The following MYO16 variants were observed in gnomAD, a reference collection of about 807,000 sequenced individuals.
The protein encoded by MYO16 is unconventional myosin-XVI.
Under a neutral mutation model 205.3 loss-of-function variants are expected in MYO16, and 94 were observed. The ratio of observed to expected loss-of-function variants is 0.46; its 90% CI spans 0.39 to 0.54. MYO16 has a LOEUF of 0.54. Ranked by LOEUF, MYO16 falls within the 20% of genes least tolerant of loss-of-function variation. The pLI is 0.00. For synonymous variants in MYO16, 988 were observed against 954.0 expected, an observed-to-expected ratio of 1.04 and a Z score of -0.66; for missense variants, 2,315 against 2,387.5, an observed-to-expected ratio of 0.97 and a Z score of 0.63.
chr13:108,502,305 C>T, the MYO16 span, among the ~76,000 whole-genome samples: 87 of 152,130 alleles, frequency 5.7e-4, no homozygotes, highest in Non-Finnish European at 6.0e-4. Flanking sequence ...TATTTAAATA[C>T]TTGATGTCAT....
intron 16 of MYO16, among the ~76,000 whole-genome samples, chr13:108,923,404 T>C (rs1198666669): frequency 6.6e-6 from 1 of 152,230 alleles, no homozygotes; most frequent in Non-Finnish European, 1.5e-5. Flanking sequence ...CTAGGAGAGT[T>C]ATTTCAGAGG....
chr13:108,657,627 G>T (rs1881303540), intron 1 of MYO16, among the ~76,000 whole-genome samples: 1 of 151,982 alleles, frequency 6.6e-6, no homozygotes, highest in Non-Finnish European at 1.5e-5. Flanking sequence ...TAATAAGGTG[G>T]AACATCTTTT....
intron 12 of MYO16, among the ~76,000 whole-genome samples, chr13:108,877,898 C>T (rs924639830): frequency 3.3e-5 from 5 of 152,150 alleles, no homozygotes; most frequent in African/African-American, 1.2e-4. Flanking sequence ...TGTTTACATA[C>T]AAATCATGAG....
intron 6 of MYO16, among the ~76,000 whole-genome samples, chr13:108,800,872 A>C (rs1288907382): frequency 1.3e-5 from 2 of 152,228 alleles, no homozygotes; most frequent in African/African-American, 4.8e-5. Flanking sequence ...TCAGATGCAC[A>C]AATACAAGGG....
chr13:108,976,828 G>T (rs1180729863), intron 20 of MYO16, among the ~76,000 whole-genome samples: 1 of 152,058 alleles, frequency 6.6e-6, no homozygotes, highest in Non-Finnish European at 1.5e-5. Flanking sequence ...TAGTCAAGAA[G>T]AGTACAAAAG....
intron 27 of MYO16, among the ~76,000 whole-genome samples, chr13:109,072,601 A>ACT (rs1370541879): frequency 6.6e-6 from 1 of 150,466 alleles, no homozygotes; most frequent in Non-Finnish European, 1.5e-5. Context: ...ACACACACAC[A>ACT]CTCACACACT....
intron 34 of MYO16, among the ~76,000 whole-genome samples, chr13:109,180,765 C>T (rs1879418047): frequency 1.3e-5 from 2 of 152,204 alleles, no homozygotes; most frequent in Non-Finnish European, 2.9e-5. Flanking sequence ...AAAGAAAATG[C>T]TGATTGGTTG....
the MYO16 span, among the ~76,000 whole-genome samples, chr13:108,565,987 G>T: frequency 6.6e-6 from 1 of 150,688 alleles, no homozygotes; most frequent in African/African-American, 2.5e-5. Context: ...TTGGCCTGTA[G>T]CTTTTTTTTT....
chr13:109,161,365 ACTG>A (rs1878374610), intron 32 of MYO16, among the ~76,000 whole-genome samples: 1 of 152,292 alleles, frequency 6.6e-6, no homozygotes, highest in East Asian at 1.9e-4. Flanking sequence ...CTGTGTGGGG[ACTG>A]CTGAGCCCTC....
intron 14 of MYO16, among the ~76,000 whole-genome samples, chr13:108,897,676 A>G (rs113378007): frequency 3.3e-5 from 5 of 152,170 alleles, no homozygotes; most frequent in African/African-American, 1.2e-4. Flanking sequence ...TGCAAACGCT[A>G]TTTTACTGTT....
At chr13:108,652,248 CT>C (rs1308196549) in intron 1 of MYO16, among the ~76,000 whole-genome samples, 1 of 152,148 alleles carries the variant, frequency 6.6e-6, no homozygotes, top group Admixed American at 6.5e-5. Flanking sequence ...GAACAACTAT[CT>C]TTTGGCCTCT....
At chr13:109,110,253 A>T (rs157016) in intron 28 of MYO16, among the ~76,000 whole-genome samples, 120,944 of 152,212 alleles carry the variant, frequency 0.79, 48,064 homozygotes, top group Middle Eastern at 0.83. Context: ...GGCTTTGGTA[A>T]GCTTTTTCAC....
At chr13:109,202,426 G>A (rs74427864) in intron 34 of MYO16, among the ~76,000 whole-genome samples, 19 of 152,202 alleles carry the variant, frequency 1.2e-4, no homozygotes, top group Non-Finnish European at 4.4e-5. Context: ...ATCACATTCT[G>A]GTTTTGATTA....
intron 4 of MYO16, among the ~76,000 whole-genome samples, chr13:108,750,528 G>A (rs1885198215): frequency 6.6e-6 from 1 of 151,880 alleles, no homozygotes. Flanking sequence ...CAGCACTTTG[G>A]GAGGCCGAGG....
At chr13:108,910,304 G>T (rs1241318419) in intron 16 of MYO16, among the ~76,000 whole-genome samples, 154 bp downstream of exon 16, 1 of 152,148 alleles carries the variant, frequency 6.6e-6, no homozygotes, top group African/African-American at 2.4e-5. Flanking sequence ...CACATAACAA[G>T]GTTCCCACTG....
At chr13:108,783,473 T>A (rs1886367691) in intron 4 of MYO16, among the ~76,000 whole-genome samples, 1 of 152,186 alleles carries the variant, frequency 6.6e-6, no homozygotes, top group Non-Finnish European at 1.5e-5. Flanking sequence ...GATGAAACTT[T>A]GGACTGTGAA....
intron 16 of MYO16, among the ~76,000 whole-genome samples, chr13:108,932,650 C>A (rs1159754765): frequency 1.3e-5 from 2 of 152,158 alleles, no homozygotes; most frequent in Non-Finnish European, 2.9e-5. Context: ...TTTTCCCACC[C>A]AGTATCTACC....
At chr13:109,027,780 TC>T (rs1886413187) in intron 23 of MYO16, among the ~76,000 whole-genome samples, 1 of 152,180 alleles carries the variant, frequency 6.6e-6, no homozygotes, top group Non-Finnish European at 1.5e-5. Flanking sequence ...GTCATCTATT[TC>T]CCCAACAATG....
intron 5 of MYO16, among the ~76,000 whole-genome samples, chr13:108,791,129 T>C (rs966162693): frequency 2.0e-5 from 3 of 152,238 alleles, no homozygotes; most frequent in Admixed American, 6.5e-5. Context: ...GTGACAGTTT[T>C]AGCTGGTTCA....
Sources: gnomAD v4.1 joint callset for allele counts (sites outside exome capture counted in the v4.1 genomes callset) on GRCh38, gnomAD v4.1.1 for gene constraint, MANE v1.5 for transcripts, NCBI Gene and HGNC (gene_info 2026-07-23, HGNC 2026-07-21) for gene names.